The following DYNC1I1 variants were observed in gnomAD, a reference collection of about 807,000 sequenced individuals.
DYNC1I1 encodes cytoplasmic dynein 1 intermediate chain 1.
A neutral mutation model predicts 86.6 loss-of-function variants in DYNC1I1; 43 were observed. The ratio of observed to expected loss-of-function variants is 0.50; its 90% CI spans 0.39 to 0.64. The LOEUF (loss-of-function observed/expected upper bound fraction) is 0.64, where lower values mean the gene tolerates loss of function less well. Ranked by LOEUF, DYNC1I1 falls within the 30% of genes least tolerant of loss-of-function variation. DYNC1I1 has a pLI of 0.00. For missense variants in DYNC1I1, 604 were observed against 788.8 expected, an observed-to-expected ratio of 0.77 and a Z score of 2.81; for synonymous variants, 262 against 283.7, an observed-to-expected ratio of 0.92 and a Z score of 0.77.
chr7:96,072,394 A>G (rs922124389), intron 14 of DYNC1I1, among the ~76,000 whole-genome samples: 2 of 152,208 alleles, frequency 1.3e-5, no homozygotes, highest in Non-Finnish European at 2.9e-5. Context: ...CTGATACTGA[A>G]CATGACATAG....
At chr7:95,810,564 A>G (rs1794807177) in intron 3 of DYNC1I1, 58 bp downstream of exon 3, 5 of 1,400,608 alleles carry the variant, frequency 3.6e-6, no homozygotes, top group Non-Finnish European at 4.9e-6. Flanking sequence ...GGGATATACC[A>G]TGTCCAGTGT....
chr7:95,867,151 G>GATCATCTTCAACTCTACTATCTT (rs1790035641), intron 5 of DYNC1I1, among the ~76,000 whole-genome samples: 1 of 152,178 alleles, frequency 6.6e-6, no homozygotes, highest in Admixed American at 6.5e-5. Context: ...TGTTGTCAGA[G>GATCATCTTCAACTCTACTATCTT]ATCATCTTCA....
chr7:96,050,452 T>C (rs1789371694), intron 14 of DYNC1I1, among the ~76,000 whole-genome samples: 2 of 152,224 alleles, frequency 1.3e-5, no homozygotes, highest in South Asian at 4.1e-4. Flanking sequence ...ATGCAATCAT[T>C]GTCAATTCTC....
At chr7:95,961,725 A>G (rs1422335792) in intron 6 of DYNC1I1, among the ~76,000 whole-genome samples, 2 of 152,242 alleles carry the variant, frequency 1.3e-5, no homozygotes, top group Admixed American at 1.3e-4. Flanking sequence ...TCCTCTGTCC[A>G]TCCACCTGAA....
chr7:95,932,726 G>A (rs1230186215), intron 6 of DYNC1I1, among the ~76,000 whole-genome samples: 1 of 152,114 alleles, frequency 6.6e-6, no homozygotes. Context: ...CATAGTAGTA[G>A]GTTTCGATCA....
intron 6 of DYNC1I1, among the ~76,000 whole-genome samples, chr7:95,928,870 A>G (rs1297449091): frequency 1.3e-5 from 2 of 152,202 alleles, no homozygotes; most frequent in Non-Finnish European, 1.5e-5. Context: ...ATTATGAAGC[A>G]TAAGTGGTGG....
chr7:95,993,581 T>C (rs1003704291), intron 9 of DYNC1I1, among the ~76,000 whole-genome samples: 2 of 152,166 alleles, frequency 1.3e-5, no homozygotes, highest in Non-Finnish European at 2.9e-5. Context: ...AAGGCTTTCT[T>C]AATAGGCCTT....
At chr7:96,008,433 G>T (rs539358279) in intron 10 of DYNC1I1, among the ~76,000 whole-genome samples, 1 of 152,174 alleles carries the variant, frequency 6.6e-6, no homozygotes, top group Non-Finnish European at 1.5e-5. Flanking sequence ...CACTTGAAAG[G>T]TTATCCATTA....
At chr7:96,043,663 A>G (rs1268423074) in intron 14 of DYNC1I1, among the ~76,000 whole-genome samples, 2 of 152,180 alleles carry the variant, frequency 1.3e-5, no homozygotes, top group African/African-American at 2.4e-5. Context: ...TACCAGGGAA[A>G]TGCAAATACT....
intron 5 of DYNC1I1, among the ~76,000 whole-genome samples, chr7:95,864,034 A>G (rs1225451425): frequency 6.6e-6 from 1 of 152,240 alleles, no homozygotes; most frequent in Non-Finnish European, 1.5e-5. Context: ...CATGTTTCTC[A>G]TGCTTTTATT....
intron 14 of DYNC1I1, among the ~76,000 whole-genome samples, chr7:96,070,543 T>G (rs927376713): frequency 2.0e-5 from 3 of 152,158 alleles, no homozygotes; most frequent in African/African-American, 7.2e-5. Context: ...AAGGTAAGAT[T>G]CCATGAGTTT....
At chr7:95,992,660 C>T (rs1793760336) in intron 9 of DYNC1I1, among the ~76,000 whole-genome samples, 1 of 151,962 alleles carries the variant, frequency 6.6e-6, no homozygotes, top group African/African-American at 2.4e-5. Flanking sequence ...TACTGTGTCA[C>T]CCAGACTGGA....
intron 6 of DYNC1I1, among the ~76,000 whole-genome samples, chr7:95,892,515 G>A (rs552132223): frequency 5.2e-4 from 79 of 152,268 alleles, no homozygotes; most frequent in South Asian, 1.0e-3. Context: ...GTTTCACTGT[G>A]TAAGCCAGGA....
At chr7:95,884,929 TA>T (rs142752070) in intron 6 of DYNC1I1, among the ~76,000 whole-genome samples, 3,644 of 152,058 alleles carry the variant, frequency 0.024, 122 homozygotes, top group African/African-American at 0.075. Context: ...GTAGTCAATA[TA>T]AAAAAAATTC....
At chr7:96,037,549 G>A (rs1794957074) in intron 13 of DYNC1I1, among the ~76,000 whole-genome samples, 2 of 152,090 alleles carry the variant, frequency 1.3e-5, no homozygotes, top group Admixed American at 6.6e-5. Flanking sequence ...AATCAACATG[G>A]CATAGGTTCA....
intron 5 of DYNC1I1, among the ~76,000 whole-genome samples, chr7:95,844,078 G>A (rs1461390852): frequency 2.6e-5 from 4 of 152,132 alleles, no homozygotes; most frequent in African/African-American, 9.7e-5. Context: ...CAGAAGATGG[G>A]CTGAGAACAA....
At chr7:96,101,941 A>C (rs966538246), downstream of DYNC1I1, among the ~76,000 whole-genome samples, 1 of 151,870 alleles carries the variant, frequency 6.6e-6, no homozygotes, top group African/African-American at 2.4e-5. Context: ...TCCCTATAAT[A>C]TATCTATTTA....
At chr7:96,102,978 G>A (rs2116346872), downstream of DYNC1I1, among the ~76,000 whole-genome samples, 1 of 152,246 alleles carries the variant, frequency 6.6e-6, no homozygotes, top group African/African-American at 2.4e-5. Flanking sequence ...AGAACTAAAA[G>A]AAACCCCTTA....
chr7:95,864,923 G>A (rs990836110), intron 5 of DYNC1I1, among the ~76,000 whole-genome samples: 2 of 151,956 alleles, frequency 1.3e-5, no homozygotes, highest in African/African-American at 4.8e-5. Context: ...GTATTTTTAA[G>A]CCAGTGATAC....
Sources: gnomAD v4.1 joint callset for allele counts (sites outside exome capture counted in the v4.1 genomes callset) on GRCh38, gnomAD v4.1.1 for gene constraint, MANE v1.5 for transcripts, NCBI Gene and HGNC (gene_info 2026-07-23, HGNC 2026-07-21) for gene names.